The following CSRNP1 variants were observed in gnomAD, a reference collection of about 807,000 sequenced individuals.
The protein encoded by CSRNP1 is cysteine and serine rich nuclear protein 1, also known as cysteine/serine-rich nuclear protein 1.
In CSRNP1, 8 loss-of-function variants were observed where a neutral mutation model predicts 25.0. That is an observed-to-expected ratio of 0.32 (90% CI 0.19 to 0.58). The LOEUF (loss-of-function observed/expected upper bound fraction) is 0.58. Ranked by LOEUF, CSRNP1 falls within the 20% of genes least tolerant of loss-of-function variation. The probability of loss-of-function intolerance (pLI) is 0.88; values close to 1 mark genes in which losing one functional copy is unlikely to be tolerated. For synonymous variants in CSRNP1, 305 were observed against 303.1 expected (o/e 1.01, Z -0.06); for missense variants, 691 against 773.1 (o/e 0.89, Z 1.26).
chr3:39,143,983 C>A lies in CSRNP1; in HGVS notation c.842G>T (p.Arg281Leu), dbSNP rs188709083. 3 of 1,613,766 alleles carry A rather than the reference C, an allele frequency of 1.9e-6. No homozygotes were observed. Among genetic ancestry groups the A allele is most frequent in the African/African-American group, 1.3e-5 (1 of 74,914 alleles). ...CREGCENPMGRVEFNQARVQT... is the reference protein window; with the variant it reads ...CREGCENPMGLVEFNQARVQT... Reference sequence around the variant, plus strand: ...AACTCTTGCCTGATTAAATTCCACACGGCCCATGGGGTTCTCACAGCCCTC... The same window carrying A: ...AACTCTTGCCTGATTAAATTCCACAAGGCCCATGGGGTTCTCACAGCCCTC... The change falls in exon 5 of 5, where the codon CGT (arginine) becomes CTT (leucine). Residue 281 changes from arginine (R) to leucine (L), a missense_variant. By Grantham distance (102) the Arg-to-Leu change is moderately radical. Coordinates refer to ENST00000273153, the MANE Select transcript of CSRNP1 (RefSeq NM_033027.4).
chr3:39,144,972 G>A, intron 3 of CSRNP1, 25 bp downstream of exon 3: 1 of 1,578,682 alleles, frequency 6.3e-7, no homozygotes, highest in Non-Finnish European at 8.6e-7. Flanking sequence ...CTCAGGAGGT[G>A]CGCCACGGAG....
At position 39,152,736 on chromosome 3, in the gene CSRNP1, G is replaced by A. The variant is rs190943308; in HGVS notation, c.-41+702C>T. 2.6e-3 allele frequency: 401 copies of A among 154,612 alleles called. 1 individual carries two copies. Among genetic ancestry groups the A allele is most frequent in the Admixed American group, 4.1e-3 (63 of 15,308 alleles). The allele number at this position is 154,612 out of a possible 1,614,324, so 9.6% of individuals were successfully genotyped here. A position where few individuals can be genotyped will look rare whatever the true frequency, so the allele number is the denominator to read the frequency against. On this transcript the variant is annotated intron_variant, in intron 1 of 4. Transcript: ENST00000273153. ...TGGGCCCCGGGGAGGAGAAACTGAG[G>A]AAGGGGAGGAAGTACGTGCTGCGGA...
chr3:39,150,579 C>T (rs1055697882), intron 1 of CSRNP1: 40 of 152,494 alleles, frequency 2.6e-4, no homozygotes, highest in African/African-American at 9.6e-4. Flanking sequence ...AAGAATGGTG[C>T]TCAAAAAGGG....
chr3:39,144,643 A>G (rs1168952749), intron 3 of CSRNP1, among the ~76,000 whole-genome samples, 192 bp from the exon 4 acceptor site: 2 of 152,056 alleles, frequency 1.3e-5, no homozygotes, highest in Non-Finnish European at 2.9e-5. Flanking sequence ...AAAAAAAAAA[A>G]AGAGATATCC....
chr3:39,142,791 C>T lies in CSRNP1; in HGVS notation c.*264G>A, dbSNP rs1463029045. On this transcript the variant is annotated 3_prime_UTR_variant, in exon 5 of 5. Transcript: ENST00000273153. ...CACATTTTCTCCTCTTCCAGGCTCACGTTGTGGAGATAGAAGAGCAAGCTG... is the reference window on the plus strand; with the variant it reads ...CACATTTTCTCCTCTTCCAGGCTCATGTTGTGGAGATAGAAGAGCAAGCTG... 3 of 361,270 alleles carry T rather than the reference C, an allele frequency of 8.3e-6. No homozygotes were observed. The highest frequency in any genetic ancestry group is 4.5e-5 in the East Asian group (1 of 22,060). The allele number at this position is 361,270 out of a possible 1,614,324, so 22.4% of individuals were successfully genotyped here. A position where few individuals can be genotyped will look rare whatever the true frequency, so the allele number is the denominator to read the frequency against.
chr3:39,146,678 G>T lies in CSRNP1; in HGVS notation c.5C>A (p.Thr2Asn), dbSNP rs1310399913. M[T>N]GLLKRKFDQL... Reference sequence around the variant, plus strand: ...GTCAAATTTCCTCTTCAACAGCCCAGTCATGGTGGTGCCGGACGTGCTCTG... The same window carrying T: ...GTCAAATTTCCTCTTCAACAGCCCATTCATGGTGGTGCCGGACGTGCTCTG... Residue 2 changes from threonine (T) to asparagine (N), a missense_variant, in exon 2 of 5, where the codon ACT becomes AAT. Coordinates refer to ENST00000273153, the MANE Select transcript of CSRNP1 (RefSeq NM_033027.4). The T allele has an allele frequency of 6.4e-7, 1 of 1,560,900 alleles. No individual in the cohort carries two copies. Among genetic ancestry groups the T allele is most frequent in the Non-Finnish European group, 8.7e-7 (1 of 1,152,346 alleles).
chr3:39,153,412 C>G (rs778003113), intron 1 of CSRNP1, 26 bp downstream of exon 1: 17 of 282,862 alleles, frequency 6.0e-5, no homozygotes, highest in Admixed American at 1.5e-4. Flanking sequence ...CCCGTCCTGC[C>G]GGGCCCGAGG....
chr3:39,144,112 C>T, intron 4 of CSRNP1, 25 bp downstream of exon 4: 2 of 1,608,712 alleles, frequency 1.2e-6, no homozygotes, highest in African/African-American at 1.3e-5. Flanking sequence ...CGCTCAGGAT[C>T]CCCATCCCAG....
At position 39,143,253 on chromosome 3, in the gene CSRNP1, C is replaced by A; in HGVS notation, c.1572G>T (p.Lys524Asn). 1 of 1,614,180 alleles carries A rather than the reference C, an allele frequency of 6.2e-7. No homozygotes were observed. The highest frequency in any genetic ancestry group is 1.1e-5 in the South Asian group (1 of 91,088). ...CGATGTTGTCCAGGCTGTCAGACACCTTCTGTGATGTGTAGTGAGGCCCCA... is the reference window on the plus strand; with the variant it reads ...CGATGTTGTCCAGGCTGTCAGACACATTCTGTGATGTGTAGTGAGGCCCCA... ...YSLGPHYTSQ[K>N]VSDSLDNIEA... is the part of the protein sequence containing the mutation. The change falls in exon 5 of 5, where the codon AAG becomes AAT. Residue 524 changes from lysine (K) to asparagine (N), a missense_variant. Lys to Asn is a moderately conservative substitution (Grantham distance 94). Transcript: ENST00000273153.
intron 3 of CSRNP1, 61 bp downstream of exon 3, chr3:39,144,936 C>A: frequency 6.5e-7 from 1 of 1,535,716 alleles, no homozygotes; most frequent in Non-Finnish European, 8.8e-7. Flanking sequence ...ACGCCCACCC[C>A]TCAAGGTTAG....
chr3:39,144,591 A>G (rs2039478726), intron 3 of CSRNP1, 140 bp from the exon 4 acceptor site: 1 of 824,780 alleles, frequency 1.2e-6, no homozygotes, highest in Non-Finnish European at 1.8e-6. Context: ...TGTGTCAGAC[A>G]GTGAACAGGA....
Position 39,144,293 on chromosome 3 carries a change from T to A in CSRNP1, c.624A>T (p.Arg208=). Residue 208 remains arginine, a synonymous_variant, in exon 4 of 5, where the codon CGA becomes CGT. Transcript: ENST00000273153. The stretch of plus-strand genomic sequence containing the variant: ...GCACACCTGAAGCCCTCAGCAGAGC[T>A]CGACGTCGCCGGGCTGGGTAGGGCT... ...FLQPYPARRR[R]ALLRASGVRR... is the part of the protein sequence containing the mutation. The A allele has an allele frequency of 1.2e-6, 2 of 1,614,082 alleles. No homozygotes were observed. Among genetic ancestry groups the A allele is most frequent in the Non-Finnish European group, 1.7e-6 (2 of 1,180,010 alleles).
At chr3:39,146,265 G>A (rs1453274471) in intron 2 of CSRNP1, among the ~76,000 whole-genome samples, 4 of 152,180 alleles carry the variant, frequency 2.6e-5, no homozygotes, top group African/African-American at 7.2e-5. Context: ...GCTGCATCCC[G>A]GATGTCATCA....
At position 39,143,375 on chromosome 3, in the gene CSRNP1, G is replaced by A. The variant is rs371134715; in HGVS notation, c.1450C>T (p.Pro484Ser). The change falls in exon 5 of 5, where the codon CCA (proline) becomes TCA (serine). Residue 484 changes from proline (P) to serine (S), a missense_variant. Pro to Ser is a moderately conservative substitution (Grantham distance 74). Transcript: ENST00000273153. ...CTCCGGCCAGCGTCCATGCTGGGTGGCACTGAGGTGCCAGGAAGGCTGCCT... is the reference window on the plus strand; with the variant it reads ...CTCCGGCCAGCGTCCATGCTGGGTGACACTGAGGTGCCAGGAAGGCTGCCT... ...REGSLPGTSVPPSMDAGRSSS... is the reference protein window; with the variant it reads ...REGSLPGTSVSPSMDAGRSSS... 5 of 1,614,184 alleles carry A rather than the reference G, an allele frequency of 3.1e-6. No individual in the cohort carries two copies. The highest frequency in any genetic ancestry group is 4.2e-6 in the Non-Finnish European group (5 of 1,180,016).
rs1356585936 is a variant in CSRNP1 at position 39,143,533 on chromosome 3, G to A, written c.1292C>T (p.Thr431Ile). 2.5e-6 allele frequency: 4 copies of A among 1,614,228 alleles called. No homozygotes were observed. The highest frequency in any genetic ancestry group is 3.4e-6 in the Non-Finnish European group (4 of 1,180,044). ...SCFHPADIFG[T>I]SDPGGLASWT... Reference sequence around the variant, plus strand: ...GCTGGCCAGGCCACCAGGGTCACTAGTACCAAAGATGTCAGCTGGATGGAA... The same window carrying A: ...GCTGGCCAGGCCACCAGGGTCACTAATACCAAAGATGTCAGCTGGATGGAA... The change falls in exon 5 of 5, where the codon ACT becomes ATT. Residue 431 changes from threonine (T) to isoleucine (I), a missense_variant. Physicochemically the swap from Thr to Ile is moderately conservative, Grantham distance 89. Coordinates refer to ENST00000273153, the MANE Select transcript of CSRNP1 (RefSeq NM_033027.4).
chr3:39,143,050 G>A lies in CSRNP1; in HGVS notation c.*5C>T. ...TCTTGGGGCTGGGAAAAGACATCCT[G>A]GTCCTCACACCGGCACAGGCTCCAT... On this transcript the variant is annotated 3_prime_UTR_variant, in exon 5 of 5. Transcript: ENST00000273153. The A allele has an allele frequency of 6.4e-7, 1 of 1,551,430 alleles. No individual in the cohort carries two copies. Among genetic ancestry groups the A allele is most frequent in the Non-Finnish European group, 8.7e-7 (1 of 1,147,776 alleles).
chr3:39,143,875 T>A lies in CSRNP1; in HGVS notation c.950A>T (p.Gln317Leu). ...ESFRELEAPA[Q>L]GSPPSPGEEA... ...CTCACCAGGGCTGGGTGGGCTGCCC[T>A]GGGCAGGGGCCTCCAGCTCCCTAAA... Residue 317 changes from glutamine to leucine, a missense_variant, in exon 5 of 5, where the codon CAG (glutamine) becomes CTG (leucine). By Grantham distance (113) the Gln-to-Leu change is moderately radical. Transcript: ENST00000273153. The A allele has an allele frequency of 6.2e-7, 1 of 1,614,148 alleles. No individual in the cohort carries two copies. The highest frequency in any genetic ancestry group is 8.5e-7 in the Non-Finnish European group (1 of 1,180,002).
At chr3:39,146,385 C>CTTTGG in intron 2 of CSRNP1, 93 bp downstream of exon 2, 1 of 1,436,068 alleles carries the variant, frequency 7.0e-7, no homozygotes, top group Non-Finnish European at 9.2e-7. Flanking sequence ...GACCTAACCA[C>CTTTGG]CAGAGGCCAA....
chr3:39,145,216 G>C lies in CSRNP1; in HGVS notation c.246C>G (p.Gly82=), dbSNP rs761942606. 2 of 1,610,846 alleles carry C rather than the reference G, an allele frequency of 1.2e-6. No individual in the cohort carries two copies. Among genetic ancestry groups the C allele is most frequent in the African/African-American group, 2.7e-5 (2 of 74,874 alleles). The part of the protein sequence containing the change: ...ILKRARRERP[G]RVAFDGITVF... ...CGGTGATCCCATCAAAGGCTACACG[G>C]CCTGGGCGCTCCCGGCGAGCCCGCT... The change falls in exon 3 of 5, where the codon GGC becomes GGG. Residue 82 remains glycine (G), a synonymous_variant. Coordinates refer to ENST00000273153, the MANE Select transcript of CSRNP1 (RefSeq NM_033027.4).
Sources: allele counts gnomAD v4.1 joint callset (sites outside exome capture counted in the v4.1 genomes callset), GRCh38; gene constraint gnomAD v4.1.1; transcripts MANE v1.5; gene names NCBI Gene and HGNC (gene_info 2026-07-23, HGNC 2026-07-21).